ADAMTSL1: variants seen among roughly 807,000 people sequenced by gnomAD.
ADAMTSL1 encodes the protein ADAMTS like 1.
Under a neutral mutation model 201.8 loss-of-function variants are expected in ADAMTSL1, and 126 were observed. The ratio of observed to expected loss-of-function variants is 0.62; its 90% confidence interval spans 0.54 to 0.72. The LOEUF is 0.72. Ranked by LOEUF, ADAMTSL1 falls within the 30% of genes least tolerant of loss-of-function variation. The pLI is 0.00. For missense variants in ADAMTSL1, 2,679 were observed against 2,277.8 expected, an observed-to-expected ratio of 1.18 and a Z score of -3.59; for synonymous variants, 1,121 against 903.4, an observed-to-expected ratio of 1.24 and a Z score of -4.32.
intron 1 of ADAMTSL1, among the ~76,000 whole-genome samples, chr9:18,503,753 T>C (rs1485596458): frequency 6.6e-6 from 1 of 152,136 alleles, no homozygotes; most frequent in Non-Finnish European, 1.5e-5. Context: ...AAGTATAGCA[T>C]GTACCAGTTG....
At chr9:18,690,430 A>T (rs916872028) in intron 13 of ADAMTSL1, among the ~76,000 whole-genome samples, 1 of 152,180 alleles carries the variant, frequency 6.6e-6, no homozygotes, top group Non-Finnish European at 1.5e-5. Flanking sequence ...TTATGGGTCC[A>T]TATAGTGTTA....
At chr9:18,142,737 A>G (rs1245583010) in intron 1 of ADAMTSL1, among the ~76,000 whole-genome samples, 1 of 152,200 alleles carries the variant, frequency 6.6e-6, no homozygotes, top group Admixed American at 6.5e-5. Flanking sequence ...AGAGATGACA[A>G]CAGGGTTGCA....
At chr9:18,183,181 C>CA (rs1175575450) in intron 2 of ADAMTSL1, among the ~76,000 whole-genome samples, 2 of 152,180 alleles carry the variant, frequency 1.3e-5, no homozygotes, top group South Asian at 4.1e-4. Context: ...TGTCCACATG[C>CA]AAAAAATTAA....
chr9:18,882,686 T>A (rs1178331131), intron 23 of ADAMTSL1, among the ~76,000 whole-genome samples: 1 of 152,100 alleles, frequency 6.6e-6, no homozygotes, highest in Non-Finnish European at 1.5e-5. Flanking sequence ...CTGCTTCTCC[T>A]GAGTACCTTG....
In ADAMTSL1 at chr9:18,081,569, CAT is replaced by C. The variant is rs1377439144; in HGVS notation, c.88-82292_88-82291del. Among the ~76,000 whole-genome samples, 10 of 152,112 alleles carry C rather than the reference CAT, an allele frequency of 6.6e-5. 1 individual carries two copies. In the South Asian group the frequency reaches 2.1e-3, roughly 32 times the overall value. On this transcript the variant is annotated intron_variant, in intron 1 of 29. Coordinates refer to the ADAMTSL1 transcript ENST00000680146. ...TTAAAATCACTCGAGCTGAATGACA[CAT>C]GTTTGCAGATTTCCATGGGCCCAGT... is the stretch of plus-strand genomic sequence containing the variant.
chr9:18,012,226 G>A (rs1027779053), intron 1 of ADAMTSL1, among the ~76,000 whole-genome samples: 1 of 152,002 alleles, frequency 6.6e-6, no homozygotes, highest in Non-Finnish European at 1.5e-5. Context: ...GCTTTGGGAA[G>A]GGTGGTGGCT....
chr9:18,281,060 T>A lies in ADAMTSL1; in HGVS notation c.207+117079T>A, dbSNP rs576393950. On this transcript the variant is annotated intron_variant, in intron 2 of 29. Coordinates refer to the ADAMTSL1 transcript ENST00000680146. ...CTGACTAATCTTTAAACATTTCTTG[T>A]AGAGACAGGTGTTCTGTGTGGGAGA... 8.8e-4 allele frequency among the ~76,000 whole-genome samples: 134 copies of A among 152,080 alleles called. 1 individual carries two copies. Among genetic ancestry groups the A allele is most frequent in the African/African-American group, 2.7e-3 (110 of 41,502 alleles).
At chr9:18,802,324 C>T (rs567074957) in intron 20 of ADAMTSL1, among the ~76,000 whole-genome samples, 7 of 152,232 alleles carry the variant, frequency 4.6e-5, no homozygotes, top group African/African-American at 1.4e-4. Flanking sequence ...AATTTTAGAA[C>T]ATTTTTATTA....
At chr9:18,053,457 T>C (rs1165228220) in intron 1 of ADAMTSL1, among the ~76,000 whole-genome samples, 3 of 152,232 alleles carry the variant, frequency 2.0e-5, no homozygotes, top group African/African-American at 7.2e-5. Flanking sequence ...TCAGTATGTT[T>C]CACATGTGAC....
At chr9:18,210,011 C>T (rs1024977285) in intron 2 of ADAMTSL1, among the ~76,000 whole-genome samples, 2 of 152,112 alleles carry the variant, frequency 1.3e-5, no homozygotes, top group Non-Finnish European at 2.9e-5. Context: ...CTGTTTAAAA[C>T]AAAGTCTGCT....
At chr9:17,998,889 C>T (rs1819494501) in intron 1 of ADAMTSL1, among the ~76,000 whole-genome samples, 2 of 151,994 alleles carry the variant, frequency 1.3e-5, no homozygotes, top group Admixed American at 1.3e-4. Context: ...ATGTTCAATA[C>T]AAAGGCCCCA....
rs71506877 is a variant in ADAMTSL1 at position 18,563,790 on chromosome 9, C to G, written c.238-10240C>G. 2.0e-5 allele frequency among the ~76,000 whole-genome samples: 3 copies of G among 152,332 alleles called. No homozygotes were observed. The South Asian group carries it at 6.2e-4, about 32-fold the overall frequency. ...GGTGGGCTCTGCCCAGTTCAAACCT[C>G]CGGGGGCTTTGTTTACACTGTGAGT... On this transcript the variant is annotated intron_variant, in intron 3 of 28. Coordinates refer to ENST00000380548, the MANE Select transcript of ADAMTSL1 (RefSeq NM_001040272.6).
chr9:18,602,177 T>C (rs1824705946), intron 4 of ADAMTSL1, among the ~76,000 whole-genome samples: 2 of 152,228 alleles, frequency 1.3e-5, no homozygotes, highest in Non-Finnish European at 2.9e-5. Context: ...CTGCTGCCTT[T>C]ACAATGAATT....
At chr9:18,817,802 A>G (rs982262083) in intron 21 of ADAMTSL1, among the ~76,000 whole-genome samples, 2 of 152,222 alleles carry the variant, frequency 1.3e-5, no homozygotes, top group Non-Finnish European at 2.9e-5. Flanking sequence ...GGCAGTGAGG[A>G]TGGGAAGGTA....
At chr9:18,160,287 A>G (rs1454574989) in intron 1 of ADAMTSL1, among the ~76,000 whole-genome samples, 6 of 152,072 alleles carry the variant, frequency 3.9e-5, no homozygotes, top group Non-Finnish European at 8.8e-5. Context: ...GTCCTGGAGA[A>G]CTATCCTTAG....
chr9:18,400,030 C>A (rs188216097), intron 2 of ADAMTSL1, among the ~76,000 whole-genome samples: 2 of 150,540 alleles, frequency 1.3e-5, no homozygotes, highest in East Asian at 3.9e-4. Flanking sequence ...TTGATGAGTG[C>A]TTTACTTTCC....
chr9:18,620,577 A>C (rs1825977043), intron 4 of ADAMTSL1, among the ~76,000 whole-genome samples: 1 of 152,190 alleles, frequency 6.6e-6, no homozygotes, highest in African/African-American at 2.4e-5. Flanking sequence ...TTTGAAAATA[A>C]TTTTACTGCA....
rs528776919 is a variant in ADAMTSL1, at chr9:18,789,918, C to G, written c.3678-5479C>G. 5.3e-5 allele frequency among the ~76,000 whole-genome samples: 8 copies of G among 152,272 alleles called. No individual in the cohort carries two copies. In the East Asian group the frequency reaches 1.5e-3, roughly 29 times the overall value. On this transcript the variant is annotated intron_variant, in intron 19 of 28. Coordinates refer to ENST00000380548, the MANE Select transcript of ADAMTSL1 (RefSeq NM_001040272.6). Reference sequence around the variant, plus strand: ...GGATACACCCACAATTTCTAGCTTCCAGTCCTGTGTTGAGGCCTACAATAG... The same window carrying G: ...GGATACACCCACAATTTCTAGCTTCGAGTCCTGTGTTGAGGCCTACAATAG...
chr9:18,563,878 T>C lies in ADAMTSL1; in HGVS notation c.238-10152T>C, dbSNP rs1290170355. On this transcript the variant is annotated intron_variant, in intron 3 of 28. Transcript: ENST00000380548. ...CCCCTACCCCCACCAAGCTCCAGCA[T>C]TTCAGGTCGACTTCAGACTGCTGTG... 3.3e-5 allele frequency among the ~76,000 whole-genome samples: 5 copies of C among 152,180 alleles called. 1 individual carries two copies. In the South Asian group the frequency reaches 1.0e-3, roughly 32 times the overall value.
Sources: gnomAD v4.1 joint callset for allele counts (sites outside exome capture counted in the v4.1 genomes callset) on GRCh38, gnomAD v4.1.1 for gene constraint, MANE v1.5 for transcripts, NCBI Gene and HGNC (gene_info 2026-07-23, HGNC 2026-07-21) for gene names.